The following NEK1 variants were observed in gnomAD, a reference collection of about 807,000 sequenced individuals.
NEK1 encodes the protein serine/threonine-protein kinase Nek1.
NEK1 carries 137 observed loss-of-function variants against 182.1 expected under a neutral mutation model. That is an observed-to-expected ratio of 0.75 (90% CI 0.65 to 0.87). NEK1 has a LOEUF of 0.87. NEK1 is among the 40% of genes least tolerant of loss of function. NEK1 has a pLI of 0.00. For missense variants in NEK1, 1,391 were observed against 1,494.4 expected, an observed-to-expected ratio of 0.93 and a Z score of 1.14; for synonymous variants, 513 against 492.2, an observed-to-expected ratio of 1.04 and a Z score of -0.56.
intron 27 of NEK1, among the ~76,000 whole-genome samples, chr4:169,439,669 G>C (rs951772603): frequency 1.3e-5 from 2 of 151,860 alleles, no homozygotes; most frequent in African/African-American, 4.8e-5. Flanking sequence ...TCAAAATATA[G>C]GATAAAAATC....
intron 27 of NEK1, among the ~76,000 whole-genome samples, chr4:169,442,759 T>C (rs979480107): frequency 6.6e-6 from 1 of 152,154 alleles, no homozygotes; most frequent in Admixed American, 6.5e-5. Flanking sequence ...CAGGGCCAGA[T>C]GCTATGACTC....
intron 11 of NEK1, among the ~76,000 whole-genome samples, chr4:169,579,018 G>A (rs551079120): frequency 1.8e-4 from 28 of 152,216 alleles, no homozygotes; most frequent in Middle Eastern, 3.4e-3. Context: ...GAAATACAGC[G>A]CATGCCAGAA....
Position 169,394,382 on chromosome 4 carries a change from T to C in NEK1, c.*128A>G, listed in dbSNP as rs1730357502. 1 of 602,440 alleles carries C rather than the reference T, an allele frequency of 1.7e-6. No individual in the cohort carries two copies. The highest frequency in any genetic ancestry group is 2.2e-5 in the South Asian group (1 of 45,986). 37.3% of individuals were successfully genotyped at this position (602,440 alleles called of 1,614,324 possible). ...ATGTTTCTCCATCTTTTTCATGCAA[T>C]AAGAAAGTCCATCTTAAATCTGATT... On this transcript the variant is annotated 3_prime_UTR_variant, in exon 36 of 36. Coordinates refer to ENST00000507142, the MANE Select transcript of NEK1 (RefSeq NM_001199397.3).
At chr4:169,491,382 T>C (rs1039360709) in intron 23 of NEK1, among the ~76,000 whole-genome samples, 51 of 152,032 alleles carry the variant, frequency 3.4e-4, no homozygotes, top group African/African-American at 1.1e-3. Flanking sequence ...TCAAGCAACA[T>C]ACAAGGGGCT....
chr4:169,526,663 C>T (rs143379675), intron 19 of NEK1, among the ~76,000 whole-genome samples: 3 of 152,298 alleles, frequency 2.0e-5, no homozygotes, highest in Non-Finnish European at 4.4e-5. Flanking sequence ...AATAACTTGA[C>T]TATAGCAGGT....
Position 169,561,561 on chromosome 4 carries a change from G to A in NEK1, c.1192-7C>T. 1 of 1,611,434 alleles carries A rather than the reference G, an allele frequency of 6.2e-7. No individual in the cohort carries two copies. Among genetic ancestry groups the A allele is most frequent in the South Asian group, 1.1e-5 (1 of 90,584 alleles). On this transcript the variant is annotated splice_region_variant and splice_polypyrimidine_tract_variant and intron_variant, in intron 15 of 35. Coordinates refer to ENST00000507142, the MANE Select transcript of NEK1 (RefSeq NM_001199397.3). ...CCCTATTTATTCTTTCCAACTTTGG[G>A]GAAAAGAAATAAACAAAACACCATT... is the stretch of plus-strand genomic sequence containing the variant.
intron 5 of NEK1, among the ~76,000 whole-genome samples, chr4:169,591,151 C>T (rs545009818): frequency 2.0e-5 from 3 of 147,526 alleles, no homozygotes; most frequent in East Asian, 1.9e-4. Flanking sequence ...AACGCCCCCC[C>T]CCCACTTCTT....
chr4:169,423,551 A>G (rs1026166525), intron 31 of NEK1, among the ~76,000 whole-genome samples: 4 of 152,258 alleles, frequency 2.6e-5, no homozygotes, highest in African/African-American at 9.6e-5. Flanking sequence ...CATTTGATAA[A>G]TAGACAATTT....
intron 23 of NEK1, among the ~76,000 whole-genome samples, chr4:169,483,234 A>C (rs990092084): frequency 2.6e-5 from 4 of 152,176 alleles, no homozygotes; most frequent in Non-Finnish European, 5.9e-5. Context: ...TCATCAATTA[A>C]ATTTCCCATC....
At chr4:169,504,834 C>T (rs1752970578) in intron 23 of NEK1, among the ~76,000 whole-genome samples, 1 of 151,982 alleles carries the variant, frequency 6.6e-6, no homozygotes, top group African/African-American at 2.4e-5. Context: ...ATATAGTCAA[C>T]AATAATTTAT....
intron 26 of NEK1, among the ~76,000 whole-genome samples, chr4:169,472,336 T>C (rs1579971517): frequency 6.6e-6 from 1 of 152,130 alleles, no homozygotes; most frequent in Non-Finnish European, 1.5e-5. Context: ...GTGGGTCAGA[T>C]AGCACCGTCC....
At chr4:169,410,549 A>ATGC (rs1733500300) in intron 31 of NEK1, among the ~76,000 whole-genome samples, 1 of 152,200 alleles carries the variant, frequency 6.6e-6, no homozygotes, top group African/African-American at 2.4e-5. Flanking sequence ...CTGCAATTAA[A>ATGC]TGCTGCTGCT....
chr4:169,439,641 CAGA>C (rs1163581569), intron 27 of NEK1, among the ~76,000 whole-genome samples: 1 of 151,988 alleles, frequency 6.6e-6, no homozygotes, highest in African/African-American at 2.4e-5. Context: ...TGGGTTCTAA[CAGA>C]AGAATAGGAA....
chr4:169,535,753 G>A (rs1311073958), intron 19 of NEK1, among the ~76,000 whole-genome samples: 1 of 151,306 alleles, frequency 6.6e-6, no homozygotes, highest in African/African-American at 2.4e-5. Context: ...GGTGACAGAC[G>A]CCTGGAATCC....
intron 30 of NEK1, 134 bp from the exon 31 acceptor site, chr4:169,424,934 T>C: frequency 1.3e-6 from 1 of 790,612 alleles, no homozygotes; most frequent in Admixed American, 2.7e-5. Flanking sequence ...TCAAAATATG[T>C]GTGTCAGTAT....
chr4:169,570,797 G>C (rs1335743672), intron 12 of NEK1, among the ~76,000 whole-genome samples: 1 of 152,224 alleles, frequency 6.6e-6, no homozygotes, highest in African/African-American at 2.4e-5. Context: ...GTAGAAAGAA[G>C]TAGACATGGG....
intron 19 of NEK1, among the ~76,000 whole-genome samples, chr4:169,515,654 C>T (rs1204339827): frequency 8.6e-5 from 9 of 104,984 alleles, no homozygotes; most frequent in African/African-American, 3.3e-4. Context: ...CCTCCCCCCT[C>T]CCCCGACCCC....
chr4:169,497,616 A>G (rs961511758), intron 23 of NEK1, among the ~76,000 whole-genome samples: 10 of 152,158 alleles, frequency 6.6e-5, no homozygotes, highest in African/African-American at 2.2e-4. Context: ...CTTTGTTCTC[A>G]TTGGTTTCAA....
chr4:169,600,491 T>C (rs1261095962), intron 4 of NEK1, among the ~76,000 whole-genome samples: 1 of 152,126 alleles, frequency 6.6e-6, no homozygotes, highest in Admixed American at 6.6e-5. Context: ...AGCCACCGCA[T>C]CCAGCCTCCA....
Sources: gnomAD v4.1 joint callset for allele counts (sites outside exome capture counted in the v4.1 genomes callset) on GRCh38, gnomAD v4.1.1 for gene constraint, MANE v1.5 for transcripts, NCBI Gene and HGNC (gene_info 2026-07-23, HGNC 2026-07-21) for gene names.